TUB: variants seen among roughly 807,000 people sequenced by gnomAD.
The protein encoded by TUB is tubby protein homolog.
TUB carries 33 observed loss-of-function variants against 59.7 expected under a neutral mutation model. That is an observed-to-expected ratio of 0.55 (90% confidence interval 0.42 to 0.74). TUB has a LOEUF of 0.74. Ranked by LOEUF, TUB falls within the 30% of genes least tolerant of loss-of-function variation. TUB has a pLI of 0.00. For synonymous variants in TUB, 293 were observed against 256.4 expected (o/e 1.14, Z -1.36); for missense variants, 659 against 672.0 (o/e 0.98, Z 0.21).
In TUB at chr11:8,101,778, T is replaced by C; in HGVS notation, c.*159T>C. ...GCCCAGCCAGCCAGGAACTGGCTCC[T>C]TTGCCTCTGCTACTGAGGCAGGGGA... On this transcript the variant is annotated 3_prime_UTR_variant, in exon 12 of 12. Coordinates refer to ENST00000299506, the MANE Select transcript of TUB (RefSeq NM_177972.3). 7.6e-7 allele frequency: 1 copy of C among 1,317,658 alleles called. No individual in the cohort carries two copies. Among genetic ancestry groups the C allele is most frequent in the Non-Finnish European group, 1.0e-6 (1 of 991,520 alleles). The allele number at this position is 1,317,658 out of a possible 1,614,324, so 81.6% of individuals were successfully genotyped here. A position where few individuals can be genotyped will look rare whatever the true frequency, so the allele number is the denominator to read the frequency against.
chr11:8,026,381 A>G (rs567830025), intron 1 of TUB, among the ~76,000 whole-genome samples: 9 of 151,712 alleles, frequency 5.9e-5, no homozygotes, highest in African/African-American at 1.7e-4. Flanking sequence ...TGCGGTGACA[A>G]AGGTTTTTCT....
chr11:8,046,595 A>G (rs1039814107), intron 2 of TUB, among the ~76,000 whole-genome samples: 3 of 152,128 alleles, frequency 2.0e-5, no homozygotes, highest in African/African-American at 7.2e-5. Context: ...GTTAGGCCCA[A>G]ATCTGTGCAT....
At chr11:8,045,860 A>G (rs917180797) in intron 2 of TUB, among the ~76,000 whole-genome samples, 1 of 152,100 alleles carries the variant, frequency 6.6e-6, no homozygotes, top group Non-Finnish European at 1.5e-5. Context: ...ACCCTCCCTG[A>G]TCTGATGTTC....
rs1944453355 is a variant in TUB, at chr11:8,104,559, C to T, written c.*2940C>T. ...AGGAATAAGGATGTTGTTATGATCG[C>T]CTGTGGATTTTGTCCATTCATCTCA... On this transcript the variant is annotated 3_prime_UTR_variant, in exon 12 of 12. Transcript: ENST00000299506. 6.6e-6 allele frequency: 1 copy of T among 152,130 alleles called. No individual in the cohort carries two copies. The highest frequency in any genetic ancestry group is 2.4e-5 in the African/African-American group (1 of 41,422). The allele number at this position is 152,130 out of a possible 1,614,324, so 9.4% of individuals were successfully genotyped here.
upstream of TUB, among the ~76,000 whole-genome samples, chr11:8,038,171 A>G (rs7951295): frequency 0.026 from 3,907 of 152,222 alleles, 179 homozygotes; most frequent in African/African-American, 0.088. Context: ...ACATACCCCA[A>G]CGTGAGGTGC....
At chr11:8,075,725 A>G (rs921322463) in intron 2 of TUB, 1 of 152,188 alleles carries the variant, frequency 6.6e-6, no homozygotes, top group African/African-American at 2.4e-5. Context: ...TAATAAAAAA[A>G]AAAATCTTGA....
intron 1 of TUB, among the ~76,000 whole-genome samples, chr11:8,025,143 T>G (rs766735809): frequency 6.6e-6 from 1 of 152,174 alleles, no homozygotes; most frequent in African/African-American, 2.4e-5. Context: ...GGGGGAGATA[T>G]GGACAAATAT....
intron 2 of TUB, among the ~76,000 whole-genome samples, chr11:8,070,417 T>C (rs375579667): frequency 6.6e-6 from 1 of 151,812 alleles, no homozygotes; most frequent in East Asian, 1.9e-4. Context: ...TCATTCTCAT[T>C]TTGCAAATGA....
chr11:8,051,889 C>T (rs1168872421), intron 2 of TUB, among the ~76,000 whole-genome samples: 2 of 152,066 alleles, frequency 1.3e-5, no homozygotes, highest in African/African-American at 2.4e-5. Context: ...TTTATTTGCC[C>T]CAAATGGATA....
intron 9 of TUB, among the ~76,000 whole-genome samples, 199 bp downstream of exon 9, chr11:8,099,074 C>T (rs548222747): frequency 8.5e-5 from 13 of 152,078 alleles, no homozygotes; most frequent in African/African-American, 2.9e-4. Context: ...ACACCACAGC[C>T]GGCCATCTGC....
intron 1 of TUB, among the ~76,000 whole-genome samples, chr11:8,027,671 C>T (rs1016420801): frequency 6.6e-6 from 1 of 152,108 alleles, no homozygotes; most frequent in African/African-American, 2.4e-5. Flanking sequence ...CCCACCACAA[C>T]GCCTGGCTAT....
intron 2 of TUB, among the ~76,000 whole-genome samples, chr11:8,058,220 T>TAAAA (rs59581554): frequency 2.1e-5 from 3 of 139,820 alleles, no homozygotes; most frequent in Admixed American, 7.2e-5. Flanking sequence ...TCTCAAAAAT[T>TAAAA]AAAAAAAAAA....
At chr11:8,083,377 A>G (rs1442944127) in intron 1 of TUB, among the ~76,000 whole-genome samples, 3 of 152,144 alleles carry the variant, frequency 2.0e-5, no homozygotes, top group Admixed American at 2.0e-4. Flanking sequence ...GGTTCTAGAA[A>G]GCTTCTCCCA....
chr11:8,104,084 C>CTGGGGCCA lies in TUB; in HGVS notation c.*2470_*2477dup, dbSNP rs1290861009. 15 of 152,364 alleles carry CTGGGGCCA rather than the reference C, an allele frequency of 9.8e-5. No individual in the cohort carries two copies. The highest frequency in any genetic ancestry group is 3.6e-4 in the African/African-American group (15 of 41,584). The allele number at this position is 152,364 out of a possible 1,614,324, so 9.4% of individuals were successfully genotyped here. The stretch of plus-strand genomic sequence containing the variant: ...TCCTGGTTTTCCTTGACCACTGGCC[C>CTGGGGCCA]TGGGGCCATGGGTGCATGGACTCGT... On this transcript the variant is annotated 3_prime_UTR_variant, in exon 12 of 12. Transcript: ENST00000299506.
chr11:8,097,523 T>G (rs748436684), intron 7 of TUB, 98 bp downstream of exon 7: 16 of 1,509,058 alleles, frequency 1.1e-5, no homozygotes, highest in Non-Finnish European at 1.4e-5. Context: ...ACCACTGACC[T>G]CTCAGTTCCT....
Position 8,100,873 on chromosome 11 carries a change from T to C in TUB, c.1263T>C (p.Ser421=). The change falls in exon 11 of 12, where the codon AGT becomes AGC. Residue 421 remains serine (S), a synonymous_variant. Coordinates refer to ENST00000299506, the MANE Select transcript of TUB (RefSeq NM_177972.3). ...LARWQNKNTE[S]IIELQNKTPV... is the part of the protein sequence containing the mutation. The stretch of plus-strand genomic sequence containing the variant: ...GCTGGCAGAATAAGAACACGGAGAG[T>C]ATCATCGAGCTGCAAAACAAGACAC... The C allele has an allele frequency of 6.2e-7, 1 of 1,613,582 alleles. No individual in the cohort carries two copies. Among genetic ancestry groups the C allele is most frequent in the Non-Finnish European group, 8.5e-7 (1 of 1,179,880 alleles).
Position 8,052,192 on chromosome 11 carries a change from A to G in TUB, c.203+12500A>G, listed in dbSNP as rs150976001. ...TTGGAAAACTGGCTTATTTCTCCAGATGAATTTTGGAATAAATTTGTCCAG... is the reference window on the plus strand; with the variant it reads ...TTGGAAAACTGGCTTATTTCTCCAGGTGAATTTTGGAATAAATTTGTCCAG... On this transcript the variant is annotated intron_variant, in intron 2 of 12. Coordinates refer to the TUB transcript ENST00000305253. Among the ~76,000 whole-genome samples, 213 of 152,328 alleles carry G rather than the reference A, an allele frequency of 1.4e-3. 1 individual carries two copies. The highest frequency in any genetic ancestry group is 4.9e-3 in the African/African-American group (202 of 41,580).
chr11:8,057,617 G>T (rs1359732722), intron 2 of TUB, among the ~76,000 whole-genome samples: 2 of 93,682 alleles, frequency 2.1e-5, no homozygotes, highest in African/African-American at 5.9e-5. Context: ...GGTGCCAGGG[G>T]TAATTACCCT....
At chr11:8,093,909 G>A in intron 3 of TUB, 137 bp from the exon 4 acceptor site, 1 of 968,710 alleles carries the variant, frequency 1.0e-6, no homozygotes, top group Non-Finnish European at 1.6e-6. Context: ...CCTGTGGGCT[G>A]TAGAAGTGGT....
Sources: gnomAD v4.1 joint callset for allele counts (sites outside exome capture counted in the v4.1 genomes callset) on GRCh38, gnomAD v4.1.1 for gene constraint, MANE v1.5 for transcripts, NCBI Gene and HGNC (gene_info 2026-07-23, HGNC 2026-07-21) for gene names.